PPP2R2B: variants seen among roughly 807,000 people sequenced by gnomAD.
PPP2R2B encodes the protein protein phosphatase 2 regulatory subunit Bbeta.
In PPP2R2B, 5 loss-of-function variants were observed where a neutral mutation model predicts 46.0. The ratio of observed to expected loss-of-function variants is 0.11; its 90% confidence interval spans 0.06 to 0.23. The LOEUF (loss-of-function observed/expected upper bound fraction) is 0.23. PPP2R2B is among the 10% of genes least tolerant of loss of function. The pLI, the probability that PPP2R2B is intolerant of heterozygous loss-of-function variation, is 1.00. For synonymous variants in PPP2R2B, 215 were observed against 206.7 expected (o/e 1.04, Z -0.34); for missense variants, 367 against 575.0 (o/e 0.64, Z 3.70).
chr5:146,998,994 A>G (rs554216807), intron 1 of PPP2R2B, among the ~76,000 whole-genome samples: 1 of 139,504 alleles, frequency 7.2e-6, no homozygotes, highest in South Asian at 2.5e-4. Flanking sequence ...AGCCTGGGAG[A>G]CAGAGCGAGA....
chr5:147,021,811 T>C (rs913463001), intron 1 of PPP2R2B, among the ~76,000 whole-genome samples: 24 of 152,252 alleles, frequency 1.6e-4, no homozygotes, highest in Admixed American at 1.5e-3. Flanking sequence ...TTTCTAGATA[T>C]GCAAAGAAGC....
At chr5:146,607,058 G>C (rs542361265) in intron 7 of PPP2R2B, 1 of 152,280 alleles carries the variant, frequency 6.6e-6, no homozygotes, top group Non-Finnish European at 1.5e-5. Flanking sequence ...CCTACAGAGT[G>C]AGGCAGATGG....
At chr5:147,081,031 A>G in intron 2 of PPP2R2B, 1 of 1,525,746 alleles carries the variant, frequency 6.6e-7, no homozygotes, top group South Asian at 1.2e-5. Flanking sequence ...CAAGGAGGCA[A>G]GGAAAAGGGC....
intron 5 of PPP2R2B, among the ~76,000 whole-genome samples, chr5:146,677,347 G>C (rs1777797917): frequency 6.6e-6 from 1 of 152,142 alleles, no homozygotes; most frequent in Non-Finnish European, 1.5e-5. Flanking sequence ...TGTTGAGAAA[G>C]AACTCAGGCA....
rs1581919084 is a variant in PPP2R2B, at chr5:146,706,504, G to C, written c.71-5362C>G. On this transcript the variant is annotated intron_variant, in intron 2 of 9. Coordinates refer to ENST00000394411, the MANE Select transcript of PPP2R2B (RefSeq NM_181675.4). ...GTCAGCTTGATGTTCATCAGCTTCT[G>C]GTAGGCACGCAGCTGCCGCGCCATG... 5 of 1,189,332 alleles carry C rather than the reference G, an allele frequency of 4.2e-6. No individual in the cohort carries two copies. The East Asian group carries it at 1.4e-4, about 34-fold the overall frequency. The allele number at this position is 1,189,332 out of a possible 1,614,324, so 73.7% of individuals were successfully genotyped here. A position where few individuals can be genotyped will look rare whatever the true frequency, so the allele number is the denominator to read the frequency against.
At chr5:146,986,606 A>C (rs1400692757) in intron 1 of PPP2R2B, among the ~76,000 whole-genome samples, 1 of 152,224 alleles carries the variant, frequency 6.6e-6, no homozygotes, top group Non-Finnish European at 1.5e-5. Context: ...GAGTAAAAAA[A>C]TATGGATGAA....
At chr5:146,888,959 G>A (rs1050940939) in intron 1 of PPP2R2B, among the ~76,000 whole-genome samples, 2 of 152,068 alleles carry the variant, frequency 1.3e-5, no homozygotes, top group African/African-American at 2.4e-5. Context: ...TCCCTATATT[G>A]CAACTAGACT....
At chr5:146,946,063 C>A (rs554968849) in intron 1 of PPP2R2B, among the ~76,000 whole-genome samples, 2 of 152,104 alleles carry the variant, frequency 1.3e-5, no homozygotes, top group African/African-American at 2.4e-5. Flanking sequence ...CCAAGCCAGC[C>A]GTTAGTCATG....
chr5:146,807,825 G>GTTTTTTTTTT (rs1757281764), intron 2 of PPP2R2B, among the ~76,000 whole-genome samples: 3 of 68,906 alleles, frequency 4.4e-5, no homozygotes, highest in Non-Finnish European at 8.7e-5. Flanking sequence ...TGAGAAGACA[G>GTTTTTTTTTT]TTTTGCTCTT....
rs1229521576 is a variant in PPP2R2B, at chr5:146,582,809, G to C, written c.*7138C>G. ...TGGTTGAGAAAGCATCTCTGAGGAG[G>C]TGACATTTGAGCTGAGTTTATCAGT... On this transcript the variant is annotated 3_prime_UTR_variant, in exon 10 of 10. Coordinates refer to ENST00000394411, the MANE Select transcript of PPP2R2B (RefSeq NM_181675.4). 1.3e-5 allele frequency: 2 copies of C among 152,214 alleles called. No individual in the cohort carries two copies. The highest frequency in any genetic ancestry group is 3.8e-4 in the East Asian group (2 of 5,198). 9.4% of individuals were successfully genotyped at this position (152,214 alleles called of 1,614,324 possible).
intron 5 of PPP2R2B, among the ~76,000 whole-genome samples, chr5:146,686,647 G>A (rs916885580): frequency 6.6e-6 from 1 of 152,090 alleles, no homozygotes; most frequent in African/African-American, 2.4e-5. Context: ...TTTTGGGAAG[G>A]TTATGACCAG....
chr5:146,720,898 A>C (rs1215642801), intron 2 of PPP2R2B, among the ~76,000 whole-genome samples: 2 of 152,250 alleles, frequency 1.3e-5, no homozygotes, highest in Non-Finnish European at 2.9e-5. Flanking sequence ...TACATAGTGC[A>C]TAGCCACTTG....
At chr5:146,729,273 G>A (rs753727209) in intron 2 of PPP2R2B, among the ~76,000 whole-genome samples, 2 of 152,144 alleles carry the variant, frequency 1.3e-5, no homozygotes, top group Non-Finnish European at 2.9e-5. Flanking sequence ...TGAGAGAGAT[G>A]ATTTAGGGTA....
chr5:146,931,525 A>C (rs1763969500), intron 1 of PPP2R2B, among the ~76,000 whole-genome samples: 1 of 152,184 alleles, frequency 6.6e-6, no homozygotes, highest in Non-Finnish European at 1.5e-5. Context: ...CTGTTTGCTT[A>C]TCGAGATTTA....
chr5:146,731,162 A>G (rs780978120), intron 2 of PPP2R2B, among the ~76,000 whole-genome samples: 6 of 152,340 alleles, frequency 3.9e-5, no homozygotes, highest in Middle Eastern at 3.4e-3. Context: ...AAAATGTTGT[A>G]TGTGTGACAA....
chr5:146,856,462 T>C, intron 2 of PPP2R2B: 1 of 1,469,876 alleles, frequency 6.8e-7, no homozygotes. Context: ...ACTGCTACTT[T>C]ATCAAGAAGA....
intron 7 of PPP2R2B, among the ~76,000 whole-genome samples, chr5:146,628,718 T>C (rs1774224414): frequency 6.6e-6 from 1 of 152,238 alleles, no homozygotes; most frequent in Non-Finnish European, 1.5e-5. Flanking sequence ...AGCAAATGTG[T>C]ACTGGGAACC....
At chr5:146,832,377 ATCTTTTT>A (rs1430482306) in intron 2 of PPP2R2B, among the ~76,000 whole-genome samples, 15 of 104,330 alleles carry the variant, frequency 1.4e-4, no homozygotes, top group East Asian at 9.7e-4. Context: ...GCCATTTTTA[ATCTTTTT>A]TTTTTTTTTT....
At position 146,590,110 on chromosome 5, in the gene PPP2R2B, G is replaced by T; in HGVS notation, c.1169C>A (p.Pro390His). The T allele has an allele frequency of 1.2e-6, 2 of 1,614,040 alleles. No homozygotes were observed. The highest frequency in any genetic ancestry group is 1.7e-6 in the Non-Finnish European group (2 of 1,180,028). ...ENSKPRAILK[P>H]RKVCVGGKRR... ...CTTGCCCCCCACACACACTTTTCGG[G>T]GTTTGAGGATAGCCCGGGGCTTGCT... The change falls in exon 10 of 10, where the codon CCC (proline) becomes CAC (histidine). Residue 390 changes from proline (P) to histidine (H), a missense_variant. Around this residue, in one of 2 missense-constraint regions of PPP2R2B, gnomAD observed 361 missense variants for 545.5 expected, o/e 0.66. Coordinates refer to ENST00000394411, the MANE Select transcript of PPP2R2B (RefSeq NM_181675.4).
Sources: gnomAD v4.1 joint callset for allele counts (sites outside exome capture counted in the v4.1 genomes callset) on GRCh38, gnomAD v4.1.1 for gene constraint, gnomAD v4.1.1 regional missense constraint, MANE v1.5 for transcripts, NCBI Gene and HGNC (gene_info 2026-07-23, HGNC 2026-07-21) for gene names.